Variants in SEMA3A observed in about 807,000 individuals in gnomAD.
The protein encoded by SEMA3A is semaphorin 3A.
In SEMA3A, 29 loss-of-function variants were observed where a neutral mutation model predicts 97.9. The ratio of observed to expected loss-of-function variants is 0.30; its 90% CI spans 0.22 to 0.40. The LOEUF (loss-of-function observed/expected upper bound fraction) is 0.40, where lower values mean the gene tolerates loss of function less well. Among genes scored for constraint, SEMA3A ranks in the 10% least tolerant of loss-of-function variants. SEMA3A has a pLI of 1.00. For missense variants in SEMA3A, 763 were observed against 951.3 expected (o/e 0.80, Z 2.60); for synonymous variants, 321 against 323.7 (o/e 0.99, Z 0.09).
At chr7:84,079,225 A>G (rs1008104955) in intron 4 of SEMA3A, among the ~76,000 whole-genome samples, 4 of 152,106 alleles carry the variant, frequency 2.6e-5, no homozygotes, top group Non-Finnish European at 5.9e-5. Context: ...AGACTTAAAC[A>G]TTCGACCTAA....
At chr7:84,451,176 G>C (rs1805544071) in intron 1 of SEMA3A, among the ~76,000 whole-genome samples, 1 of 152,034 alleles carries the variant, frequency 6.6e-6, no homozygotes, top group African/African-American at 2.4e-5. Flanking sequence ...TCTGAGTTGA[G>C]TTTTGTGTGT....
At chr7:84,018,813 C>T (rs1399964081) in intron 6 of SEMA3A, among the ~76,000 whole-genome samples, 4 of 152,160 alleles carry the variant, frequency 2.6e-5, no homozygotes, top group African/African-American at 9.7e-5. Flanking sequence ...ATCTGGCCTA[C>T]TGGCTCTGGA....
At chr7:84,338,118 A>C (rs1802081122) in intron 2 of SEMA3A, among the ~76,000 whole-genome samples, 1 of 151,674 alleles carries the variant, frequency 6.6e-6, no homozygotes. Flanking sequence ...GTATGTGCAT[A>C]TACTGAGTAT....
At chr7:84,160,488 G>T (rs1796996336) in intron 1 of SEMA3A, among the ~76,000 whole-genome samples, 1 of 152,094 alleles carries the variant, frequency 6.6e-6, no homozygotes, top group Non-Finnish European at 1.5e-5. Context: ...AGCGGAGGTT[G>T]CAGTGAGCCG....
At position 83,957,261 on chromosome 7, in the gene SEMA3A, C is replaced by T. The variant is rs990068571; in HGVS notation, c.*4110G>A. 2.0e-5 allele frequency: 3 copies of T among 148,682 alleles called. No individual in the cohort carries two copies. Among genetic ancestry groups the T allele is most frequent in the African/African-American group, 5.1e-5 (2 of 38,932 alleles). The allele number at this position is 148,682 out of a possible 1,614,324, so 9.2% of individuals were successfully genotyped here. On this transcript the variant is annotated 3_prime_UTR_variant, in exon 17 of 17. Transcript: ENST00000265362. ...TGGATTAGATGATGATAAGTCATCTCGCTCTGTTTCCTTAATTTCATTGTG... is the reference window on the plus strand; with the variant it reads ...TGGATTAGATGATGATAAGTCATCTTGCTCTGTTTCCTTAATTTCATTGTG...
intron 5 of SEMA3A, among the ~76,000 whole-genome samples, chr7:84,049,535 C>T (rs1175890330): frequency 6.6e-6 from 1 of 151,982 alleles, no homozygotes; most frequent in African/African-American, 2.4e-5. Context: ...CATTTACATT[C>T]TGTGGCTTTG....
chr7:84,436,653 ATTATAT>A (rs954414402), intron 1 of SEMA3A, among the ~76,000 whole-genome samples: 1 of 152,120 alleles, frequency 6.6e-6, no homozygotes, highest in Admixed American at 6.5e-5. Context: ...GATTTTAAAA[ATTATAT>A]TTATGTTTGC....
chr7:84,040,052 A>C (rs1334039092), intron 6 of SEMA3A, among the ~76,000 whole-genome samples: 1 of 152,030 alleles, frequency 6.6e-6, no homozygotes, highest in Non-Finnish European at 1.5e-5. Context: ...TTGGAACTTT[A>C]AAAAATTTAA....
At chr7:84,169,960 T>C (rs1797335653) in intron 1 of SEMA3A, among the ~76,000 whole-genome samples, 1 of 151,872 alleles carries the variant, frequency 6.6e-6, no homozygotes, top group South Asian at 2.1e-4. Context: ...TCTATATTTA[T>C]TTAAAAATAA....
intron 10 of SEMA3A, among the ~76,000 whole-genome samples, chr7:84,006,238 T>C (rs1790660696): frequency 6.6e-6 from 1 of 152,236 alleles, no homozygotes; most frequent in South Asian, 2.1e-4. Context: ...TTGAATACAT[T>C]TAATTTTTTA....
chr7:84,462,355 G>T (rs1262759696), intron 1 of SEMA3A, among the ~76,000 whole-genome samples: 1 of 152,086 alleles, frequency 6.6e-6, no homozygotes, highest in Non-Finnish European at 1.5e-5. Context: ...AACAAGAAAT[G>T]ACAAAATTTT....
chr7:84,115,763 G>A (rs914578391), intron 3 of SEMA3A, among the ~76,000 whole-genome samples: 2 of 151,910 alleles, frequency 1.3e-5, no homozygotes, highest in African/African-American at 2.4e-5. Flanking sequence ...GTTTCCTACC[G>A]AACCAGGAAA....
chr7:83,972,894 T>A (rs770097129), intron 15 of SEMA3A, among the ~76,000 whole-genome samples: 21 of 152,124 alleles, frequency 1.4e-4, no homozygotes, highest in Non-Finnish European at 2.5e-4. Flanking sequence ...AGAAGACAAG[T>A]GTCATGATGA....
intron 3 of SEMA3A, among the ~76,000 whole-genome samples, chr7:84,258,905 A>C (rs78081099): frequency 3.5e-5 from 5 of 141,354 alleles, no homozygotes; most frequent in African/African-American, 1.3e-4. Context: ...AGAAGGGATG[A>C]TTTTTTTTTT....
At chr7:84,246,715 G>C (rs913482456) in intron 3 of SEMA3A, among the ~76,000 whole-genome samples, 1 of 151,858 alleles carries the variant, frequency 6.6e-6, no homozygotes, top group South Asian at 2.1e-4. Flanking sequence ...CTTCTCATGG[G>C]AGGACAAACT....
At chr7:84,438,992 T>C (rs1424440469) in intron 1 of SEMA3A, among the ~76,000 whole-genome samples, 4 of 151,966 alleles carry the variant, frequency 2.6e-5, no homozygotes, top group Non-Finnish European at 4.4e-5. Flanking sequence ...AAAGGGCATT[T>C]ACTTCATGGA....
chr7:84,327,892 C>A (rs1462677616), intron 2 of SEMA3A, among the ~76,000 whole-genome samples: 1 of 151,728 alleles, frequency 6.6e-6, no homozygotes, highest in African/African-American at 2.4e-5. Context: ...ATTTTTTAGC[C>A]AGAGTTAAAA....
At chr7:84,069,986 T>C (rs1401895688) in intron 4 of SEMA3A, among the ~76,000 whole-genome samples, 1 of 152,154 alleles carries the variant, frequency 6.6e-6, no homozygotes, top group Admixed American at 6.5e-5. Flanking sequence ...TGGAAGGACT[T>C]TCAAAATCTG....
intron 3 of SEMA3A, among the ~76,000 whole-genome samples, chr7:84,265,270 A>G (rs1799961999): frequency 6.6e-6 from 1 of 151,958 alleles, no homozygotes; most frequent in Non-Finnish European, 1.5e-5. Flanking sequence ...GAATATAAAG[A>G]GTGCAGTGGC....
Sources: allele counts gnomAD v4.1 joint callset (sites outside exome capture counted in the v4.1 genomes callset), GRCh38; gene constraint gnomAD v4.1.1; transcripts MANE v1.5; gene names NCBI Gene and HGNC (gene_info 2026-07-23, HGNC 2026-07-21).